PSME4: variants seen among roughly 807,000 people sequenced by gnomAD.
PSME4 encodes the protein proteasome activator complex subunit 4.
A neutral mutation model predicts 253.9 loss-of-function variants in PSME4; 89 were observed. That is an observed-to-expected ratio of 0.35 (90% CI 0.30 to 0.42). The LOEUF is 0.42. PSME4 is among the 10% of genes least tolerant of loss of function. The pLI, the probability that PSME4 is intolerant of heterozygous loss-of-function variation, is 1.00. For missense variants in PSME4, 2,014 were observed against 2,195.2 expected (o/e 0.92, Z 1.65); for synonymous variants, 851 against 759.2 (o/e 1.12, Z -1.99).
At chr2:53,968,620 G>T (rs1670864455) in intron 1 of PSME4, among the ~76,000 whole-genome samples, 1 of 152,156 alleles carries the variant, frequency 6.6e-6, no homozygotes, top group Admixed American at 6.5e-5. Context: ...GCAATATCAA[G>T]AATCAGTTTC....
intron 41 of PSME4, among the ~76,000 whole-genome samples, chr2:53,876,539 G>C (rs1212876951): frequency 6.6e-6 from 1 of 151,564 alleles, no homozygotes; most frequent in Admixed American, 6.6e-5. Context: ...TAAAAAGAGA[G>C]ATTTGCGAAA....
intron 1 of PSME4, among the ~76,000 whole-genome samples, chr2:53,966,191 T>C (rs1459310074): frequency 1.3e-5 from 2 of 151,896 alleles, no homozygotes; most frequent in African/African-American, 2.4e-5. Context: ...GGCAGAGACA[T>C]GAGGGTTGCT....
intron 3 of PSME4, among the ~76,000 whole-genome samples, chr2:53,943,254 T>G (rs560980477): frequency 4.6e-5 from 7 of 152,366 alleles, no homozygotes; most frequent in Non-Finnish European, 8.8e-5. Flanking sequence ...GAACTGGTTT[T>G]AACTGTAATG....
rs975949681 is a variant in PSME4 at position 53,932,744 on chromosome 2, A to G, written c.974T>C (p.Leu325Pro). The change falls in exon 9 of 47, where the codon CTA (leucine) becomes CCA (proline). Residue 325 changes from leucine (L) to proline (P), a missense_variant. Leu to Pro is a moderately conservative substitution (Grantham distance 98, BLOSUM62 -3). This residue lies in a region of PSME4 where 615 missense variants were observed against 594.4 expected (regional missense o/e 1.03). Transcript: ENST00000404125. ...ITAMMGGPSKLVQKHLAGLFN... is the reference protein window; with the variant it reads ...ITAMMGGPSKPVQKHLAGLFN... ...CAAACCAGCTAAGTGTTTTTGCACTAGCTTACTTGGTCCACCCTGTCCAGA... is the reference window on the plus strand; with the variant it reads ...CAAACCAGCTAAGTGTTTTTGCACTGGCTTACTTGGTCCACCCTGTCCAGA... 8.7e-6 allele frequency: 14 copies of G among 1,613,520 alleles called. No homozygotes were observed. Among genetic ancestry groups the G allele is most frequent in the Non-Finnish European group, 1.1e-5 (13 of 1,179,548 alleles).
intron 21 of PSME4, 46 bp downstream of exon 21, chr2:53,910,029 G>T: frequency 6.9e-7 from 1 of 1,458,624 alleles, no homozygotes; most frequent in South Asian, 1.1e-5. Context: ...TGGAGTTACT[G>T]ACAAAAATAA....
intron 1 of PSME4, among the ~76,000 whole-genome samples, chr2:53,954,270 G>A (rs991576898): frequency 2.0e-5 from 3 of 151,718 alleles, no homozygotes; most frequent in African/African-American, 7.3e-5. Flanking sequence ...AGAGGTTGCA[G>A]TGAGCCAAGA....
At chr2:53,886,774 G>A (rs1679657987) in intron 40 of PSME4, among the ~76,000 whole-genome samples, 1 of 152,180 alleles carries the variant, frequency 6.6e-6, no homozygotes. Context: ...AGCAGCATTA[G>A]TCACAATAGC....
In PSME4 at chr2:53,921,142, T is replaced by C. The variant is rs759481064; in HGVS notation, c.2047-38A>G. ...AAAAAATAGTTGAAGATATTTTGGT[T>C]AAAAGAACAAGAACCAATCATTAAT... On this transcript the variant is annotated intron_variant, in intron 17 of 46. Coordinates refer to ENST00000404125, the MANE Select transcript of PSME4 (RefSeq NM_014614.3). 7.5e-6 allele frequency: 12 copies of C among 1,609,824 alleles called. No individual in the cohort carries two copies. In the Admixed American group the frequency reaches 1.0e-4, roughly 14 times the overall value.
chr2:53,928,631 C>G (rs1271534397), intron 10 of PSME4, among the ~76,000 whole-genome samples: 2 of 152,074 alleles, frequency 1.3e-5, no homozygotes, highest in East Asian at 3.9e-4. Context: ...GTGCCTAATT[C>G]ATGAATTAAA....
chr2:53,965,211 G>A (rs998775592), intron 1 of PSME4, among the ~76,000 whole-genome samples: 1 of 150,788 alleles, frequency 6.6e-6, no homozygotes. Flanking sequence ...CAGTTTACCA[G>A]TTTAAAAGGA....
intron 36 of PSME4, among the ~76,000 whole-genome samples, chr2:53,892,259 T>C (rs527837021): frequency 1.3e-5 from 2 of 152,242 alleles, no homozygotes; most frequent in African/African-American, 4.8e-5. Flanking sequence ...TCCTGACATT[T>C]GACCAGGTTA....
chr2:53,908,632 T>C, intron 22 of PSME4, 67 bp from the exon 23 acceptor site: 3 of 1,522,248 alleles, frequency 2.0e-6, no homozygotes, highest in Admixed American at 2.2e-5. Context: ...TCTTGAGGCA[T>C]TAGTCAAGAA....
intron 3 of PSME4, among the ~76,000 whole-genome samples, chr2:53,942,666 G>A (rs1669506655): frequency 2.0e-5 from 3 of 152,042 alleles, no homozygotes; most frequent in Admixed American, 2.0e-4. Flanking sequence ...ATACGGCCCA[G>A]AATTAAGGAT....
intron 1 of PSME4, among the ~76,000 whole-genome samples, chr2:53,966,693 GT>G (rs1243892344): frequency 6.6e-6 from 1 of 152,100 alleles, no homozygotes; most frequent in African/African-American, 2.4e-5. Context: ...GCAAAATCAA[GT>G]TTTTTGGGGT....
intron 6 of PSME4, 106 bp downstream of exon 6, chr2:53,936,658 C>G: frequency 3.9e-6 from 3 of 766,954 alleles, no homozygotes; most frequent in Middle Eastern, 5.1e-4. Flanking sequence ...CTTCAAGTTA[C>G]TTACCAAATG....
At position 53,908,389 on chromosome 2, in the gene PSME4, T is replaced by A; in HGVS notation, c.2715A>T (p.Gly905=). The A allele has an allele frequency of 6.2e-7, 1 of 1,613,282 alleles. No individual in the cohort carries two copies. The highest frequency in any genetic ancestry group is 8.5e-7 in the Non-Finnish European group (1 of 1,179,606). Residue 905 remains glycine, a synonymous_variant, in exon 24 of 47, where the codon GGA becomes GGT. Coordinates refer to ENST00000404125, the MANE Select transcript of PSME4 (RefSeq NM_014614.3). ...GGGAGTCAAATTCATGCTTGTGAGA[T>A]CCTTGGAATTGTAAAAGGTCTCCAA... ...KIIGDLLQFQ[G]SHKHEFDSRW...
chr2:53,906,267 A>G (rs1680655506), intron 26 of PSME4, among the ~76,000 whole-genome samples: 2 of 152,188 alleles, frequency 1.3e-5, no homozygotes, highest in African/African-American at 4.8e-5. Context: ...GCAATATCAC[A>G]CTAGCACTGT....
At chr2:53,872,599 C>T (rs74782743) in intron 43 of PSME4, among the ~76,000 whole-genome samples, 240 of 151,576 alleles carry the variant, frequency 1.6e-3, no homozygotes, top group African/African-American at 5.7e-3. Context: ...AAAAGTAATT[C>T]CGTGTGGTGG....
intron 26 of PSME4, among the ~76,000 whole-genome samples, chr2:53,904,476 C>G (rs1048452792): frequency 6.6e-6 from 1 of 152,096 alleles, no homozygotes; most frequent in African/African-American, 2.4e-5. Context: ...ACTTTTTATT[C>G]TGAATTATTC....
Sources: allele counts gnomAD v4.1 joint callset (sites outside exome capture counted in the v4.1 genomes callset), GRCh38; gene constraint gnomAD v4.1.1; regional missense constraint gnomAD v4.1.1; transcripts MANE v1.5; gene names NCBI Gene and HGNC (gene_info 2026-07-23, HGNC 2026-07-21).